The following RIF1 variants were observed in gnomAD, a reference collection of about 807,000 sequenced individuals.
RIF1 encodes the protein telomere-associated protein RIF1.
RIF1 carries 45 observed loss-of-function variants against 247.1 expected under a neutral mutation model. The observed-to-expected ratio is 0.18, with a 90% CI of 0.14 to 0.23. The LOEUF (loss-of-function observed/expected upper bound fraction) is 0.23, where lower values mean the gene tolerates loss of function less well. Ranked by LOEUF, RIF1 falls within the 10% of genes least tolerant of loss-of-function variation. The pLI is 1.00. For synonymous variants in RIF1, 1,087 were observed against 978.8 expected (o/e 1.11, Z -2.06); for missense variants, 2,967 against 2,862.5 (o/e 1.04, Z -0.83).
intron 22 of RIF1, 51 bp downstream of exon 22, chr2:151,455,210 A>C (rs776696501): frequency 2.1e-5 from 29 of 1,364,984 alleles, no homozygotes; most frequent in Non-Finnish European, 2.6e-5. Flanking sequence ...CAATTTAAAT[A>C]TAGGTAGCAA....
chr2:151,428,075 A>AAAACC (rs1264850918), intron 8 of RIF1, among the ~76,000 whole-genome samples: 1 of 151,352 alleles, frequency 6.6e-6, no homozygotes. Flanking sequence ...AAAACAAAAC[A>AAAACC]AAAATTAGCT....
chr2:151,446,404 C>T (rs756206204), intron 19 of RIF1, 22 bp from the exon 20 acceptor site: 17 of 1,605,602 alleles, frequency 1.1e-5, no homozygotes, highest in Non-Finnish European at 1.4e-5. Context: ...AACAAAACTT[C>T]TTTTTTTGTT....
chr2:151,430,835 G>A (rs901947366), intron 9 of RIF1, among the ~76,000 whole-genome samples: 1 of 151,930 alleles, frequency 6.6e-6, no homozygotes, highest in African/African-American at 2.4e-5. Context: ...TGTATTTTTT[G>A]TAGAGGCGGG....
At position 151,457,930 on chromosome 2, in the gene RIF1, A is replaced by C; in HGVS notation, c.2822A>C (p.Lys941Thr). The C allele has an allele frequency of 1.2e-6, 2 of 1,613,846 alleles. No homozygotes were observed. Among genetic ancestry groups the C allele is most frequent in the Non-Finnish European group, 1.7e-6 (2 of 1,179,870 alleles). The change falls in exon 24 of 36, where the codon AAA (lysine) becomes ACA (threonine). Residue 941 changes from lysine to threonine, a missense_variant. Physicochemically the swap from Lys to Thr is moderately conservative, Grantham distance 78. This residue lies in a region of RIF1 where 2,028 missense variants were observed against 1,825.6 expected (regional missense o/e 1.11). Coordinates refer to ENST00000444746, the MANE Select transcript of RIF1 (RefSeq NM_018151.5). Reference sequence around the variant, plus strand: ...CAGTTCTGGAATGCCACTTTTGCCAAAGTGATGATGTTGGTTTATCCTGAA... The same window carrying C: ...CAGTTCTGGAATGCCACTTTTGCCACAGTGATGATGTTGGTTTATCCTGAA... ...SAQFWNATFA[K>T]VMMLVYPEEL...
At chr2:151,420,792 T>G (rs918976783) in intron 7 of RIF1, among the ~76,000 whole-genome samples, 3 of 150,598 alleles carry the variant, frequency 2.0e-5, no homozygotes, top group African/African-American at 7.3e-5. Context: ...CACTATGATA[T>G]AGGATTTTAG....
chr2:151,412,109 T>C (rs962056349), intron 3 of RIF1, among the ~76,000 whole-genome samples: 5 of 152,236 alleles, frequency 3.3e-5, no homozygotes, highest in African/African-American at 4.8e-5. Context: ...ACAACCGTTA[T>C]CATTTTTGCT....
At chr2:151,433,049 T>C in intron 9 of RIF1, 28 bp from the exon 10 acceptor site, 1 of 1,584,380 alleles carries the variant, frequency 6.3e-7, no homozygotes, top group Non-Finnish European at 8.6e-7. Context: ...TGGACGTCTC[T>C]TTAACTGTGT....
intron 21 of RIF1, among the ~76,000 whole-genome samples, chr2:151,453,755 TC>T (rs1694747274): frequency 1.3e-5 from 2 of 152,212 alleles, no homozygotes; most frequent in South Asian, 4.1e-4. Flanking sequence ...TGTTAACACT[TC>T]CTGTTTGTTT....
chr2:151,491,778 G>A, intron 9 of RIF1: 1 of 1,577,810 alleles, frequency 6.3e-7, no homozygotes, highest in Non-Finnish European at 8.6e-7. Context: ...ACGTAAACCT[G>A]AAAGGGAAAC....
intron 8 of RIF1, among the ~76,000 whole-genome samples, chr2:151,425,112 T>A (rs36119777): frequency 6.6e-6 from 1 of 152,060 alleles, no homozygotes; most frequent in Non-Finnish European, 1.5e-5. Flanking sequence ...GAATGTGAAG[T>A]GGGATTGATT....
chr2:151,472,800 A>C (rs543665570), intron 34 of RIF1, among the ~76,000 whole-genome samples: 23 of 152,252 alleles, frequency 1.5e-4, no homozygotes, highest in African/African-American at 5.3e-4. Context: ...TTTTTGCATC[A>C]ATGTTCATCA....
intron 34 of RIF1, among the ~76,000 whole-genome samples, chr2:151,470,349 C>T (rs1372109730): frequency 2.0e-5 from 3 of 152,108 alleles, no homozygotes; most frequent in Admixed American, 6.6e-5. Flanking sequence ...TCACAGACTA[C>T]TGAAACCCAT....
At chr2:151,442,014 G>T (rs1692370981) in intron 16 of RIF1, 23 bp downstream of exon 16, 4 of 948,236 alleles carry the variant, frequency 4.2e-6, no homozygotes, top group African/African-American at 1.7e-5. Context: ...AATGTAATAT[G>T]ATGAAGATTG....
Position 151,478,579 on chromosome 2 carries a change from A to G in RIF1, c.*3508A>G, listed in dbSNP as rs1193376136. The stretch of plus-strand genomic sequence containing the variant: ...AAGACTCTGTTACAATTTAAACATC[A>G]TAAAAATGTGAAGAGTAAGTGGTGA... On this transcript the variant is annotated 3_prime_UTR_variant, in exon 36 of 36. Transcript: ENST00000444746. 1.3e-5 allele frequency: 2 copies of G among 152,132 alleles called. No individual in the cohort carries two copies. The highest frequency in any genetic ancestry group is 2.9e-5 in the Non-Finnish European group (2 of 68,038). 9.4% of individuals were successfully genotyped at this position (152,132 alleles called of 1,614,324 possible).
At chr2:151,506,108 A>T in intron 12 of RIF1, 1 of 1,400,974 alleles carries the variant, frequency 7.1e-7, no homozygotes, top group Non-Finnish European at 1.0e-6. Flanking sequence ...CTCATAGGTC[A>T]TTGTAAATTA....
chr2:151,487,023 A>C (rs979480446), downstream of RIF1, among the ~76,000 whole-genome samples: 2 of 152,208 alleles, frequency 1.3e-5, no homozygotes, highest in South Asian at 2.1e-4. Context: ...TGAACTTCAT[A>C]CTAAGTTATG....
At position 151,418,112 on chromosome 2, in the gene RIF1, C is replaced by G. The variant is rs186078701; in HGVS notation, c.503+1211C>G. On this transcript the variant is annotated intron_variant, in intron 6 of 35. Coordinates refer to ENST00000444746, the MANE Select transcript of RIF1 (RefSeq NM_018151.5). ...GATGAGGGAATGTGAAGGTCTAGGA[C>G]ATTACTGTGCACTATTGCAGATTTC... is the stretch of plus-strand genomic sequence containing the variant. Among the ~76,000 whole-genome samples the G allele has an allele frequency of 3.7e-3, 566 of 152,288 alleles. 5 individuals carry two copies. In the Middle Eastern group the frequency reaches 0.082, roughly 22 times the overall value.
intron 9 of RIF1, among the ~76,000 whole-genome samples, chr2:151,487,306 A>C (rs2051535586): frequency 6.6e-6 from 1 of 152,352 alleles, no homozygotes; most frequent in South Asian, 2.1e-4. Flanking sequence ...TGATAATATC[A>C]AAAGTTTCTT....
In RIF1 at chr2:151,463,744, T is replaced by A. The variant is rs774818898; in HGVS notation, c.4224T>A (p.Thr1408=). 1 of 1,613,836 alleles carries A rather than the reference T, an allele frequency of 6.2e-7. No homozygotes were observed. Among genetic ancestry groups the A allele is most frequent in the Non-Finnish European group, 8.5e-7 (1 of 1,179,964 alleles). Residue 1408 remains threonine (T), a synonymous_variant, in exon 30 of 36, where the codon ACT becomes ACA. Coordinates refer to ENST00000444746, the MANE Select transcript of RIF1 (RefSeq NM_018151.5). ...MVNEDSQVQI[T]PNQKTLRRSS... The stretch of plus-strand genomic sequence containing the variant: ...ATGAGGATAGTCAGGTTCAGATAAC[T>A]CCAAATCAGAAAACCCTTAGACGGT...
Sources: allele counts gnomAD v4.1 joint callset (sites outside exome capture counted in the v4.1 genomes callset), GRCh38; gene constraint gnomAD v4.1.1; regional missense constraint gnomAD v4.1.1; transcripts MANE v1.5; gene names NCBI Gene and HGNC (gene_info 2026-07-23, HGNC 2026-07-21).